Variants in LMBR1 observed in about 807,000 individuals in gnomAD.
The protein encoded by LMBR1 is limb region 1 protein homolog.
Under a neutral mutation model 73.9 loss-of-function variants are expected in LMBR1, and 52 were observed. The observed-to-expected ratio is 0.70, with a 90% confidence interval of 0.56 to 0.89. LMBR1 has a LOEUF of 0.89. LMBR1 is among the 40% of genes least tolerant of loss of function. LMBR1 has a pLI of 0.00. For missense variants in LMBR1, 539 were observed against 579.8 expected (o/e 0.93, Z 0.72); for synonymous variants, 215 against 209.4 (o/e 1.03, Z -0.23).
chr7:156,765,040 T>G (rs1823827392), intron 5 of LMBR1, among the ~76,000 whole-genome samples: 2 of 152,196 alleles, frequency 1.3e-5, no homozygotes, highest in African/African-American at 4.8e-5. Context: ...AGGCTTGTAT[T>G]TTAACACATG....
chr7:156,724,287 T>A, intron 14 of LMBR1, 109 bp from the exon 15 acceptor site: 2 of 751,330 alleles, frequency 2.7e-6, no homozygotes, highest in South Asian at 3.6e-5. Flanking sequence ...TAGTGTACTT[T>A]GCCGATTTCT....
intron 1 of LMBR1, among the ~76,000 whole-genome samples, chr7:156,879,452 CAGG>C (rs1468353173): frequency 1.3e-5 from 2 of 152,120 alleles, no homozygotes; most frequent in Non-Finnish European, 2.9e-5. Flanking sequence ...ATCCCGAGGT[CAGG>C]AGATCGAGAC....
intron 5 of LMBR1, among the ~76,000 whole-genome samples, chr7:156,775,939 G>A (rs1022136775): frequency 3.3e-5 from 5 of 151,850 alleles, no homozygotes; most frequent in South Asian, 4.1e-4. Flanking sequence ...AACCTTGGGC[G>A]AATTACTAAG....
chr7:156,852,741 C>T (rs1344769329), intron 1 of LMBR1, among the ~76,000 whole-genome samples: 1 of 152,174 alleles, frequency 6.6e-6, no homozygotes, highest in East Asian at 1.9e-4. Context: ...CTACTAGCAT[C>T]TGGGGTCAGA....
At chr7:156,805,067 A>G (rs1831758656) in intron 4 of LMBR1, among the ~76,000 whole-genome samples, 1 of 151,888 alleles carries the variant, frequency 6.6e-6, no homozygotes, top group Admixed American at 6.6e-5. Flanking sequence ...AAATTGTTCT[A>G]GCACCATTTG....
intron 1 of LMBR1, among the ~76,000 whole-genome samples, chr7:156,867,008 G>A (rs372005175): frequency 3.9e-5 from 6 of 152,166 alleles, no homozygotes; most frequent in Non-Finnish European, 8.8e-5. Flanking sequence ...TCGGATGTAA[G>A]TGACTCTACC....
At chr7:156,764,707 C>T (rs1372375831) in intron 5 of LMBR1, among the ~76,000 whole-genome samples, 1 of 152,088 alleles carries the variant, frequency 6.6e-6, no homozygotes, top group Admixed American at 6.5e-5. Context: ...TTATAAAATT[C>T]CAAAACATAC....
chr7:156,838,582 T>C (rs1001189179), intron 1 of LMBR1, among the ~76,000 whole-genome samples: 3 of 152,238 alleles, frequency 2.0e-5, no homozygotes, highest in African/African-American at 7.2e-5. Context: ...TATTCCCTTG[T>C]GTATATACAC....
At chr7:156,875,485 C>T (rs928967599) in intron 1 of LMBR1, among the ~76,000 whole-genome samples, 1 of 152,074 alleles carries the variant, frequency 6.6e-6, no homozygotes, top group African/African-American at 2.4e-5. Context: ...GGAAATTAAT[C>T]GTAAAAAGAT....
chr7:156,804,209 T>C (rs1208401739), intron 4 of LMBR1, among the ~76,000 whole-genome samples: 1 of 152,220 alleles, frequency 6.6e-6, no homozygotes, highest in Non-Finnish European at 1.5e-5. Flanking sequence ...TTGTGTGATA[T>C]ATACTCTTGT....
At chr7:156,869,712 G>C (rs1227240827) in intron 1 of LMBR1, among the ~76,000 whole-genome samples, 1 of 152,060 alleles carries the variant, frequency 6.6e-6, no homozygotes, top group Non-Finnish European at 1.5e-5. Flanking sequence ...AGCCTGAATA[G>C]ATTTAAAAAC....
Position 156,683,350 on chromosome 7 carries a change from C to T in LMBR1, c.*728G>A, listed in dbSNP as rs886062116. On this transcript the variant is annotated 3_prime_UTR_variant, in exon 17 of 17. Coordinates refer to ENST00000353442, the MANE Select transcript of LMBR1 (RefSeq NM_022458.4). ...GAGGGAATACTGAATTATATATATA[C>T]ATAAACTGTCATTAAACTGTGATTA... 1.2e-4 allele frequency: 19 copies of T among 152,654 alleles called. No homozygotes were observed. The highest frequency in any genetic ancestry group is 2.4e-4 in the Non-Finnish European group (16 of 68,020). 9.5% of individuals were successfully genotyped at this position (152,654 alleles called of 1,614,324 possible).
chr7:156,689,412 G>A (rs1013721056), intron 15 of LMBR1, among the ~76,000 whole-genome samples: 25 of 152,146 alleles, frequency 1.6e-4, no homozygotes, highest in Non-Finnish European at 1.3e-4. Context: ...GAATAACTTT[G>A]ACTATACTCA....
At chr7:156,735,546 G>T (rs1585453264) in intron 9 of LMBR1, among the ~76,000 whole-genome samples, 1 of 64,566 alleles carries the variant, frequency 1.5e-5, no homozygotes, top group East Asian at 5.5e-4. Context: ...TTTAAGAGTG[G>T]TGTTTTTTTT....
intron 4 of LMBR1, among the ~76,000 whole-genome samples, chr7:156,820,480 A>C (rs908976442): frequency 2.6e-5 from 4 of 152,164 alleles, no homozygotes; most frequent in African/African-American, 9.7e-5. Flanking sequence ...AGTGAGTGAG[A>C]AGTTAACAAC....
intron 12 of LMBR1, 75 bp downstream of exon 12, chr7:156,727,855 C>T (rs1353179965): frequency 2.1e-6 from 2 of 971,052 alleles, no homozygotes; most frequent in Non-Finnish European, 3.2e-6. Flanking sequence ...TTTTCATTTG[C>T]TTACTTGAAA....
At chr7:156,697,172 C>T (rs1808465350) in intron 15 of LMBR1, among the ~76,000 whole-genome samples, 1 of 152,010 alleles carries the variant, frequency 6.6e-6, no homozygotes, top group Non-Finnish European at 1.5e-5. Context: ...TTAAGGGTTT[C>T]AAAAGGGGAG....
At chr7:156,775,336 C>A (rs1240896280) in intron 5 of LMBR1, among the ~76,000 whole-genome samples, 1 of 151,922 alleles carries the variant, frequency 6.6e-6, no homozygotes, top group Non-Finnish European at 1.5e-5. Flanking sequence ...CCACTGCAAT[C>A]CAGCCTGGGC....
chr7:156,856,555 T>C (rs60445410), intron 1 of LMBR1, among the ~76,000 whole-genome samples: 14,336 of 151,904 alleles, frequency 0.094, 824 homozygotes, highest in African/African-American at 0.16. Flanking sequence ...ACCCCATCTC[T>C]ACTAAAAATA....
Sources: allele counts gnomAD v4.1 joint callset (sites outside exome capture counted in the v4.1 genomes callset), GRCh38; gene constraint gnomAD v4.1.1; transcripts MANE v1.5; gene names NCBI Gene and HGNC (gene_info 2026-07-23, HGNC 2026-07-21).